Variants in SLCO3A1 observed in about 807,000 individuals in gnomAD.
SLCO3A1 encodes solute carrier organic anion transporter family member 3A1, also known as PGE1 transporter.
A neutral mutation model predicts 63.1 loss-of-function variants in SLCO3A1; 27 were observed. The observed-to-expected ratio is 0.43, with a 90% CI of 0.32 to 0.59. SLCO3A1 has a LOEUF of 0.59. Ranked by LOEUF, SLCO3A1 falls within the 20% of genes least tolerant of loss-of-function variation. The probability of loss-of-function intolerance (pLI) is 0.09; values close to 1 mark genes in which losing one functional copy is unlikely to be tolerated. For synonymous variants in SLCO3A1, 473 were observed against 409.9 expected, an observed-to-expected ratio of 1.15 and a Z score of -1.86; for missense variants, 773 against 945.8, an observed-to-expected ratio of 0.82 and a Z score of 2.40.
chr15:91,880,162 C>CTATCTATCTATCTATCT (rs1567168728), intron 1 of SLCO3A1, among the ~76,000 whole-genome samples: 4 of 125,504 alleles, frequency 3.2e-5, no homozygotes, highest in African/African-American at 9.3e-5. Context: ...TCCATCCATC[C>CTATCTATCTATCTATCT]ATCCATCCAT....
At position 92,015,509 on chromosome 15, in the gene SLCO3A1, A is replaced by G. The variant is rs143530857; in HGVS notation, c.647-79372A>G. 2.8e-3 allele frequency among the ~76,000 whole-genome samples: 424 copies of G among 152,230 alleles called. 3 individuals carry two copies. The highest frequency in any genetic ancestry group is 9.4e-3 in the African/African-American group (391 of 41,536). The stretch of plus-strand genomic sequence containing the variant: ...ATGGGGGAAACCGCCCCCATGATCC[A>G]ATCACCTCCTACCCAGGTCTCTCCC... On this transcript the variant is annotated intron_variant, in intron 2 of 9. Transcript: ENST00000318445.
At chr15:92,158,931 A>C (rs2048403981) in intron 9 of SLCO3A1, among the ~76,000 whole-genome samples, 2 of 152,254 alleles carry the variant, frequency 1.3e-5, no homozygotes, top group South Asian at 4.1e-4. Context: ...GGAATCTCAC[A>C]AAGGTTATAC....
intron 7 of SLCO3A1, among the ~76,000 whole-genome samples, chr15:92,133,410 G>T (rs2048019964): frequency 6.8e-6 from 1 of 146,110 alleles, no homozygotes; most frequent in Non-Finnish European, 1.5e-5. Flanking sequence ...TATAGCAGGG[G>T]TCCCCCACAT....
At chr15:91,890,089 CAT>C (rs1225718341) in intron 1 of SLCO3A1, among the ~76,000 whole-genome samples, 8 of 152,200 alleles carry the variant, frequency 5.3e-5, no homozygotes, top group African/African-American at 1.7e-4. Flanking sequence ...ACACATTTAA[CAT>C]GTGGAATATA....
intron 1 of SLCO3A1, among the ~76,000 whole-genome samples, chr15:91,867,869 G>A (rs1897203431): frequency 6.6e-6 from 1 of 152,198 alleles, no homozygotes; most frequent in Admixed American, 6.5e-5. Context: ...TTCAAGGACT[G>A]TGTGAAAGGT....
At chr15:91,931,885 T>C (rs533154350) in intron 2 of SLCO3A1, among the ~76,000 whole-genome samples, 2 of 152,158 alleles carry the variant, frequency 1.3e-5, no homozygotes, top group African/African-American at 4.8e-5. Flanking sequence ...AAGCCAAGCA[T>C]GTTCTTTTAA....
intron 2 of SLCO3A1, among the ~76,000 whole-genome samples, chr15:92,087,887 CA>C (rs2047425821): frequency 6.6e-6 from 1 of 152,156 alleles, no homozygotes; most frequent in Admixed American, 6.5e-5. Context: ...CAGAAAATTT[CA>C]AGTTTCCAGT....
At chr15:92,015,206 A>T (rs1209407964) in intron 2 of SLCO3A1, among the ~76,000 whole-genome samples, 1 of 152,070 alleles carries the variant, frequency 6.6e-6, no homozygotes, top group Non-Finnish European at 1.5e-5. Flanking sequence ...TAATGCCAGG[A>T]GCTTTCCGTA....
At chr15:92,031,930 G>C (rs1392369810) in intron 2 of SLCO3A1, among the ~76,000 whole-genome samples, 3 of 152,160 alleles carry the variant, frequency 2.0e-5, no homozygotes, top group Admixed American at 2.0e-4. Flanking sequence ...CCACTCACTA[G>C]TTCTGTGATA....
At chr15:92,102,443 C>T (rs1233131562) in intron 3 of SLCO3A1, among the ~76,000 whole-genome samples, 1 of 152,170 alleles carries the variant, frequency 6.6e-6, no homozygotes, top group Non-Finnish European at 1.5e-5. Flanking sequence ...TCAGGTGATT[C>T]TTGCTCATTG....
At chr15:92,170,577 G>A (rs1220504356), downstream of SLCO3A1, among the ~76,000 whole-genome samples, 1 of 152,112 alleles carries the variant, frequency 6.6e-6, no homozygotes, top group Admixed American at 6.6e-5. Flanking sequence ...CAAAGCCCCC[G>A]AAGTTAGAAC....
At chr15:91,997,632 A>C (rs1265441347) in intron 2 of SLCO3A1, among the ~76,000 whole-genome samples, 1 of 152,214 alleles carries the variant, frequency 6.6e-6, no homozygotes, top group East Asian at 1.9e-4. Context: ...TAATAACCAA[A>C]ATGACATGGT....
chr15:92,120,669 G>A (rs754191852), intron 5 of SLCO3A1, 40 bp downstream of exon 5: 4 of 1,586,162 alleles, frequency 2.5e-6, no homozygotes, highest in Non-Finnish European at 3.4e-6. Context: ...GTCGGGGGAG[G>A]GTGTCCTGTG....
At chr15:91,951,516 A>C (rs1342458745) in intron 2 of SLCO3A1, among the ~76,000 whole-genome samples, 2 of 147,780 alleles carry the variant, frequency 1.4e-5, no homozygotes, top group Non-Finnish European at 3.0e-5. Context: ...TCCTCCGATC[A>C]CTCGTGTATA....
chr15:91,942,598 TTTC>T lies in SLCO3A1; in HGVS notation c.646+26141_646+26143del, dbSNP rs1899660940. Among the ~76,000 whole-genome samples the T allele has an allele frequency of 6.6e-6, 1 of 151,150 alleles. No homozygotes were observed. Among genetic ancestry groups the T allele is most frequent in the Non-Finnish European group, 1.5e-5 (1 of 67,608 alleles). ...GTATGTTTGTTTGTTTGTTTGTTTG[TTTC>T]GAGACCGAGTCTTGCTCTGTCGACC... On this transcript the variant is annotated intron_variant, in intron 2 of 9. Transcript: ENST00000318445. This position sits in a 1 kb window ranked among gnomAD's most constrained non-coding sequence, Gnocchi z 4.1.
At chr15:92,081,028 A>G (rs1299103326) in intron 2 of SLCO3A1, among the ~76,000 whole-genome samples, 2 of 151,174 alleles carry the variant, frequency 1.3e-5, no homozygotes, top group Non-Finnish European at 2.9e-5. Flanking sequence ...ACAATGTGCA[A>G]TAATCACATC....
chr15:91,883,580 T>A lies in SLCO3A1; in HGVS notation c.180+29492T>A, dbSNP rs1897650646. ...TATTTGTAATTATTTTATGCCATTA[T>A]ATACCCTGAAAGTGGCTGTGGGTTA... On this transcript the variant is annotated intron_variant, in intron 1 of 9. Coordinates refer to ENST00000318445, the MANE Select transcript of SLCO3A1 (RefSeq NM_013272.4). This position sits in a 1 kb window ranked among gnomAD's most constrained non-coding sequence, Gnocchi z 4.8. Among the ~76,000 whole-genome samples, 1 of 152,250 alleles carries A rather than the reference T, an allele frequency of 6.6e-6. No individual in the cohort carries two copies.
At chr15:91,909,154 T>C (rs1036757426) in intron 1 of SLCO3A1, among the ~76,000 whole-genome samples, 2 of 152,072 alleles carry the variant, frequency 1.3e-5, no homozygotes, top group Non-Finnish European at 2.9e-5. Context: ...GCAACAGGAG[T>C]GCTTCATATA....
intron 4 of SLCO3A1, among the ~76,000 whole-genome samples, chr15:92,108,100 C>T (rs2047687685): frequency 6.6e-6 from 1 of 152,168 alleles, no homozygotes; most frequent in Non-Finnish European, 1.5e-5. Context: ...GTTTTACAAC[C>T]CTTATCCAAA....
Sources: allele counts gnomAD v4.1 joint callset (sites outside exome capture counted in the v4.1 genomes callset), GRCh38; gene constraint gnomAD v4.1.1; non-coding constraint Gnocchi (gnomAD v3.1); transcripts MANE v1.5; gene names NCBI Gene and HGNC (gene_info 2026-07-23, HGNC 2026-07-21).